Variants in RGS12 observed in about 807,000 individuals in gnomAD.
The protein encoded by RGS12 is regulator of G-protein signaling 12.
A neutral mutation model predicts 120.1 loss-of-function variants in RGS12; 66 were observed. The observed-to-expected ratio is 0.55, with a 90% CI of 0.45 to 0.67. RGS12 has a LOEUF of 0.67. Ranked by LOEUF, RGS12 falls within the 30% of genes least tolerant of loss-of-function variation. The pLI is 0.00. For missense variants in RGS12, 1,859 were observed against 1,957.7 expected, an observed-to-expected ratio of 0.95 and a Z score of 0.95; for synonymous variants, 827 against 804.7, an observed-to-expected ratio of 1.03 and a Z score of -0.47.
At chr4:3,322,211 G>T (rs1017239852) in intron 2 of RGS12, among the ~76,000 whole-genome samples, 1 of 152,190 alleles carries the variant, frequency 6.6e-6, no homozygotes, top group Non-Finnish European at 1.5e-5. Flanking sequence ...CCTGCACACC[G>T]AGCCACGTGG....
chr4:3,414,963 C>G lies in RGS12; in HGVS notation c.2283+119C>G, dbSNP rs546642095. ...GCATGTGAGGGGTGTGTGTGAGGGG[C>G]GTGAGAGGGGCGTGTGAGAGGTTGC... is the stretch of plus-strand genomic sequence containing the variant. On this transcript the variant is annotated intron_variant, in intron 6 of 17. Coordinates refer to ENST00000336727, the MANE Select transcript of RGS12 (RefSeq NM_001394154.1). 1.4e-4 allele frequency: 61 copies of G among 422,346 alleles called. No homozygotes were observed. In the African/African-American group the frequency reaches 1.5e-3, roughly 10 times the overall value. 26.2% of individuals were successfully genotyped at this position (422,346 alleles called of 1,614,324 possible).
intron 17 of RGS12, among the ~76,000 whole-genome samples, chr4:3,438,561 T>G (rs913598478): frequency 2.6e-5 from 4 of 151,832 alleles, no homozygotes; most frequent in Non-Finnish European, 5.9e-5. Context: ...CCGTTCACTT[T>G]CCTTGGCCCC....
At chr4:3,398,737 G>GA (rs545652270) in intron 4 of RGS12, among the ~76,000 whole-genome samples, 107 of 143,888 alleles carry the variant, frequency 7.4e-4, no homozygotes, top group Non-Finnish European at 9.0e-4. Flanking sequence ...AGATCAAGCT[G>GA]AAAAAAAAAA....
upstream of RGS12, chr4:3,292,908 C>G (rs1423545506): frequency 6.6e-6 from 1 of 150,722 alleles, no homozygotes; most frequent in Non-Finnish European, 1.5e-5. Context: ...CCCGCATCGC[C>G]CCGCCCCAAC....
At chr4:3,381,826 A>G (rs2343800) in intron 3 of RGS12, among the ~76,000 whole-genome samples, 48,294 of 152,134 alleles carry the variant, frequency 0.32, 7,830 homozygotes, top group South Asian at 0.4. Context: ...GAAATTGGTC[A>G]TGACTTTTCC....
In RGS12 at chr4:3,365,464, T is replaced by A. The variant is rs1490335144; in HGVS notation, c.1999-20952T>A. On this transcript the variant is annotated intron_variant, in intron 3 of 17. Coordinates refer to ENST00000336727, the MANE Select transcript of RGS12 (RefSeq NM_001394154.1). The surrounding 1 kb of genome is among the most constrained non-coding windows in gnomAD (Gnocchi z 4.0). ...TCTGTCCCCAGTGAGTTGCCTTGATTCCATCTTGAGGCCTGTACTGTGATC... is the reference window on the plus strand; with the variant it reads ...TCTGTCCCCAGTGAGTTGCCTTGATACCATCTTGAGGCCTGTACTGTGATC... 6.6e-6 allele frequency among the ~76,000 whole-genome samples: 1 copy of A among 152,032 alleles called. No individual in the cohort carries two copies. Among genetic ancestry groups the A allele is most frequent in the East Asian group, 1.9e-4 (1 of 5,176 alleles).
chr4:3,293,151 T>A (rs1191686258), intron 1 of RGS12, 52 bp downstream of exon 1: 2 of 144,142 alleles, frequency 1.4e-5, no homozygotes, highest in East Asian at 4.1e-4. Context: ...CCGCCTCCGC[T>A]CTTTCTTTCG....
At chr4:3,328,315 A>G (rs936441744) in intron 2 of RGS12, among the ~76,000 whole-genome samples, 1 of 152,252 alleles carries the variant, frequency 6.6e-6, no homozygotes, top group African/African-American at 2.4e-5. Flanking sequence ...GACTGTGCAT[A>G]GACTGCACAG....
rs1000721108 is a variant in RGS12 at position 3,389,955 on chromosome 4, A to G, written c.2020+3518A>G. On this transcript the variant is annotated intron_variant, in intron 4 of 17. Coordinates refer to ENST00000336727, the MANE Select transcript of RGS12 (RefSeq NM_001394154.1). The surrounding 1 kb of genome is among the most constrained non-coding windows in gnomAD (Gnocchi z 5.2). ...TGTGCCTCAGCTCTGCCCTGACCCC[A>G]CTCTGTCCACTCAGCTGCCCCCCTA... Among the ~76,000 whole-genome samples, 4 of 150,012 alleles carry G rather than the reference A, an allele frequency of 2.7e-5. No homozygotes were observed. The highest frequency in any genetic ancestry group is 2.0e-4 in the Admixed American group (3 of 15,096).
chr4:3,423,541 C>A lies in RGS12; in HGVS notation c.3134C>A (p.Ser1045Ter). 6.2e-7 allele frequency: 1 copy of A among 1,613,068 alleles called. No homozygotes were observed. The highest frequency in any genetic ancestry group is 1.1e-5 in the South Asian group (1 of 91,044). ...CTGGATCTTGTTCCGATTAACCGGT[C>A]AGTGGGACTCAAGGCCAAGCCCACC... ...FRLDLVPINR[S>*]VGLKAKPTKP... Residue 1045 changes from serine to a stop codon, truncating the protein, a stop_gained, in exon 13 of 18, where the codon TCA (serine) becomes TAA (stop). Coordinates refer to ENST00000336727, the MANE Select transcript of RGS12 (RefSeq NM_001394154.1). LOFTEE classifies it high-confidence loss of function.
intron 1 of RGS12, among the ~76,000 whole-genome samples, chr4:3,307,413 A>G (rs1656473242): frequency 6.6e-6 from 1 of 152,212 alleles, no homozygotes; most frequent in South Asian, 2.1e-4. Flanking sequence ...ATTTTCGTAA[A>G]ACTAGGAGTT....
intron 10 of RGS12, among the ~76,000 whole-genome samples, chr4:3,421,136 C>T (rs763277120): frequency 1.3e-5 from 2 of 152,232 alleles, no homozygotes; most frequent in Non-Finnish European, 2.9e-5. Flanking sequence ...ATTTACCCCT[C>T]TGCCTGCGGG....
chr4:3,419,808 G>A (rs961838393), intron 9 of RGS12, among the ~76,000 whole-genome samples: 3 of 152,200 alleles, frequency 2.0e-5, no homozygotes, highest in African/African-American at 4.8e-5. Context: ...GGGACACAGC[G>A]ACGCTCTGTC....
intron 17 of RGS12, among the ~76,000 whole-genome samples, chr4:3,436,112 C>T (rs941477295): frequency 9.4e-5 from 14 of 149,478 alleles, no homozygotes; most frequent in South Asian, 6.3e-4. Flanking sequence ...GGGACCCACA[C>T]GGACAGGGGG....
chr4:3,316,393 G>A lies in RGS12; in HGVS notation c.223G>A (p.Ala75Thr). Residue 75 changes from alanine to threonine, a missense_variant, in exon 2 of 18, where the codon GCA becomes ACA. This residue lies in a region of RGS12 where 967 missense variants were observed against 994.2 expected (regional missense o/e 0.97). Transcript: ENST00000336727. ...LAVNEINVKK[A>T]SHEDVVKLIG... ...TGTCAATGAAATCAACGTGAAAAAAGCATCTCATGAAGATGTAGTGAAATT... is the reference window on the plus strand; with the variant it reads ...TGTCAATGAAATCAACGTGAAAAAAACATCTCATGAAGATGTAGTGAAATT... 1 of 1,614,016 alleles carries A rather than the reference G, an allele frequency of 6.2e-7. No homozygotes were observed. The highest frequency in any genetic ancestry group is 8.5e-7 in the Non-Finnish European group (1 of 1,179,966).
chr4:3,324,410 G>T, intron 2 of RGS12: 1 of 230,750 alleles, frequency 4.3e-6, no homozygotes, highest in South Asian at 5.3e-5. Flanking sequence ...CTGTGCCAGT[G>T]CTGTCTTTTA....
At chr4:3,399,270 G>C (rs1720348476) in intron 4 of RGS12, among the ~76,000 whole-genome samples, 1 of 152,142 alleles carries the variant, frequency 6.6e-6, no homozygotes, top group Non-Finnish European at 1.5e-5. Flanking sequence ...GATAAATGCA[G>C]AAATTATCAA....
intron 3 of RGS12, among the ~76,000 whole-genome samples, chr4:3,344,608 G>C (rs1416179455): frequency 1.3e-5 from 2 of 152,208 alleles, no homozygotes; most frequent in Non-Finnish European, 2.9e-5. Context: ...TCCCTGCTGG[G>C]TGTAAACTTC....
At chr4:3,340,155 C>T (rs1199130021) in intron 2 of RGS12, among the ~76,000 whole-genome samples, 1 of 152,224 alleles carries the variant, frequency 6.6e-6, no homozygotes, top group African/African-American at 2.4e-5. Context: ...GCCTCCGTGT[C>T]GTGTGTCTCA....
Sources: allele counts gnomAD v4.1 joint callset (sites outside exome capture counted in the v4.1 genomes callset), GRCh38; gene constraint gnomAD v4.1.1; regional missense constraint gnomAD v4.1.1; non-coding constraint Gnocchi (gnomAD v3.1); transcripts MANE v1.5; gene names NCBI Gene and HGNC (gene_info 2026-07-23, HGNC 2026-07-21).